The following PTPRT variants were observed in gnomAD, a reference collection of about 807,000 sequenced individuals.
PTPRT encodes the protein protein tyrosine phosphatase receptor type T, also known as receptor-type tyrosine-protein phosphatase T.
PTPRT carries 56 observed loss-of-function variants against 176.8 expected under a neutral mutation model. The observed-to-expected ratio is 0.32, with a 90% CI of 0.26 to 0.40. The LOEUF (loss-of-function observed/expected upper bound fraction) is 0.40. Among genes scored for constraint, PTPRT ranks in the 10% least tolerant of loss-of-function variants. The pLI is 1.00. For synonymous variants in PTPRT, 783 were observed against 739.0 expected (o/e 1.06, Z -0.96); for missense variants, 1,540 against 1,908.2 (o/e 0.81, Z 3.60).
chr20:43,092,604 C>T (rs535593394), intron 1 of PTPRT, among the ~76,000 whole-genome samples: 36 of 152,320 alleles, frequency 2.4e-4, no homozygotes, highest in Non-Finnish European at 4.9e-4. Context: ...TTGAGTGCAA[C>T]CATGTGACTA....
At chr20:42,583,671 G>A (rs1324600652) in intron 7 of PTPRT, among the ~76,000 whole-genome samples, 1 of 152,034 alleles carries the variant, frequency 6.6e-6, no homozygotes, top group Non-Finnish European at 1.5e-5. Context: ...CTCATTCATC[G>A]ATATTCTCAA....
downstream of PTPRT, among the ~76,000 whole-genome samples, chr20:42,070,606 G>A (rs773285798): frequency 3.3e-5 from 5 of 152,022 alleles, no homozygotes; most frequent in Non-Finnish European, 7.4e-5. Context: ...TATTTCCATG[G>A]AAATATGACA....
At chr20:42,602,672 CT>C (rs2073802448) in intron 7 of PTPRT, among the ~76,000 whole-genome samples, 1 of 152,136 alleles carries the variant, frequency 6.6e-6, no homozygotes, top group African/African-American at 2.4e-5. Context: ...CCACTATGTT[CT>C]TTTTTTCTCC....
intron 2 of PTPRT, among the ~76,000 whole-genome samples, chr20:42,809,620 G>C (rs974153612): frequency 6.6e-6 from 1 of 152,194 alleles, no homozygotes; most frequent in Non-Finnish European, 1.5e-5. Context: ...GGCCGTGGGG[G>C]AAGTCTCTAG....
At chr20:42,832,801 T>A (rs1360803274) in intron 2 of PTPRT, among the ~76,000 whole-genome samples, 10 of 107,316 alleles carry the variant, frequency 9.3e-5, no homozygotes, top group Non-Finnish European at 7.3e-5. Context: ...TAGGATTTGT[T>A]AAAAAAAAAA....
intron 12 of PTPRT, among the ~76,000 whole-genome samples, chr20:42,313,801 G>C (rs907202415): frequency 5.3e-5 from 8 of 152,120 alleles, no homozygotes; most frequent in African/African-American, 1.4e-4. Context: ...AAGACCAGAT[G>C]GACAGGTGGA....
intron 2 of PTPRT, among the ~76,000 whole-genome samples, chr20:42,862,949 C>G (rs2037417834): frequency 6.6e-6 from 1 of 152,192 alleles, no homozygotes; most frequent in Admixed American, 6.5e-5. Flanking sequence ...CTAACCCATA[C>G]AGAGACACTG....
intron 2 of PTPRT, among the ~76,000 whole-genome samples, chr20:42,849,219 G>A (rs1214222487): frequency 1.3e-5 from 2 of 152,130 alleles, no homozygotes; most frequent in Non-Finnish European, 2.9e-5. Flanking sequence ...GGGTCTTTCT[G>A]ACAGCCAAGG....
chr20:42,444,708 T>C lies in PTPRT; in HGVS notation c.1560+3512A>G, dbSNP rs766132115. Among the ~76,000 whole-genome samples, 62 of 152,306 alleles carry C rather than the reference T, an allele frequency of 4.1e-4. No individual in the cohort carries two copies. In the Middle Eastern group the frequency reaches 0.027, roughly 67 times the overall value. On this transcript the variant is annotated intron_variant, in intron 9 of 30. Coordinates refer to ENST00000373187, the MANE Select transcript of PTPRT (RefSeq NM_007050.6). ...CCATTTGCATTATCCTATTTTTCTT[T>C]GTAATAAAATATTCTATTTTGAGGC...
rs371805236 is a variant in PTPRT at position 42,248,689 on chromosome 20, C to T, written c.2310G>A (p.Arg770=). Residue 770 remains arginine, a splice_region_variant and synonymous_variant, in exon 14 of 31, where the codon AGG becomes AGA. Coordinates refer to ENST00000373187, the MANE Select transcript of PTPRT (RefSeq NM_007050.6). ...ILLGVMLTIK[R]RRNAYSYSYY... is the part of the protein sequence containing the mutation. The stretch of plus-strand genomic sequence containing the variant: ...TGCAGGCAGCAGCAGAGACTCACCT[C>T]CTTTTGATGGTGAGCATCACGCCCA... 1.2e-4 allele frequency: 186 copies of T among 1,613,848 alleles called. 2 individuals carry two copies. The South Asian group carries it at 1.9e-3, about 17-fold the overall frequency.
intron 7 of PTPRT, among the ~76,000 whole-genome samples, chr20:42,603,011 C>G (rs2073809899): frequency 1.3e-5 from 2 of 152,296 alleles, no homozygotes; most frequent in South Asian, 4.1e-4. Context: ...CCCTTCACTC[C>G]TCATTCATTT....
intron 2 of PTPRT, among the ~76,000 whole-genome samples, chr20:42,870,008 C>T (rs2078817805): frequency 6.6e-6 from 1 of 152,134 alleles, no homozygotes; most frequent in African/African-American, 2.4e-5. Flanking sequence ...ATGGGGTCCT[C>T]ATCAGACACC....
chr20:43,119,304 C>A (rs761665852), intron 1 of PTPRT, among the ~76,000 whole-genome samples: 1 of 152,134 alleles, frequency 6.6e-6, no homozygotes, highest in Non-Finnish European at 1.5e-5. Context: ...ATTCTTTGAA[C>A]TCTTGGTTTT....
chr20:42,120,723 A>G (rs571284600), intron 19 of PTPRT, among the ~76,000 whole-genome samples: 2 of 152,322 alleles, frequency 1.3e-5, no homozygotes, highest in East Asian at 3.9e-4. Context: ...GCATACATGG[A>G]GTGTCCTCTT....
chr20:42,194,152 T>C (rs1297448620), intron 16 of PTPRT, among the ~76,000 whole-genome samples: 9 of 152,210 alleles, frequency 5.9e-5, no homozygotes. Context: ...GGCTTACAAG[T>C]AGAACCATGT....
chr20:42,857,010 C>A (rs923257793), intron 2 of PTPRT, among the ~76,000 whole-genome samples: 4 of 152,162 alleles, frequency 2.6e-5, no homozygotes, highest in African/African-American at 9.7e-5. Context: ...GGGCTACATG[C>A]CCAACAAACA....
chr20:42,879,270 C>T (rs972322308), intron 2 of PTPRT, among the ~76,000 whole-genome samples: 1 of 152,094 alleles, frequency 6.6e-6, no homozygotes, highest in East Asian at 1.9e-4. Flanking sequence ...TTGGCAGGGC[C>T]ACGTTGTCTC....
rs2058935235 is a variant in PTPRT at position 42,403,948 on chromosome 20, G to A, written c.1560+44272C>T. ...CCTCCTCACCCCTCTAGGCCCTCTG[G>A]GATTTTGACCCCATTTCCAACAAAA... On this transcript the variant is annotated intron_variant, in intron 9 of 30. Coordinates refer to ENST00000373187, the MANE Select transcript of PTPRT (RefSeq NM_007050.6). Among the ~76,000 whole-genome samples, 3 of 152,054 alleles carry A rather than the reference G, an allele frequency of 2.0e-5. No homozygotes were observed. In the South Asian group the frequency reaches 6.2e-4, roughly 32 times the overall value.
At chr20:42,513,201 GGTGTGTGTGTGTGT>G (rs58268839) in intron 7 of PTPRT, among the ~76,000 whole-genome samples, 25 of 144,666 alleles carry the variant, frequency 1.7e-4, no homozygotes, top group Non-Finnish European at 2.9e-4. Flanking sequence ...CTATTGATGG[GGTGTGTGTGTGTGT>G]GTGTGTGTGT....
Sources: gnomAD v4.1 joint callset for allele counts (sites outside exome capture counted in the v4.1 genomes callset) on GRCh38, gnomAD v4.1.1 for gene constraint, MANE v1.5 for transcripts, NCBI Gene and HGNC (gene_info 2026-07-23, HGNC 2026-07-21) for gene names.